COL4A4: variants seen among roughly 807,000 people sequenced by gnomAD.
COL4A4 encodes the protein collagen type IV alpha 4 chain.
COL4A4 carries 105 observed loss-of-function variants against 192.9 expected under a neutral mutation model. The ratio of observed to expected loss-of-function variants is 0.54; its 90% confidence interval spans 0.46 to 0.64. COL4A4 has a LOEUF of 0.64. Among genes scored for constraint, COL4A4 ranks in the 30% least tolerant of loss-of-function variants. The pLI is 0.00. For synonymous variants in COL4A4, 762 were observed against 769.9 expected (o/e 0.99, Z 0.17); for missense variants, 1,967 against 2,169.3 (o/e 0.91, Z 1.85).
chr2:227,010,020 T>TA (rs1205865420), intron 46 of COL4A4, among the ~76,000 whole-genome samples: 5 of 152,196 alleles, frequency 3.3e-5, no homozygotes, highest in South Asian at 2.1e-4. Flanking sequence ...ACATTTAACT[T>TA]ACTGAGGAAG....
rs542567460 is a variant in COL4A4, at chr2:227,091,516, C to T, written c.1370-1559G>A. On this transcript the variant is annotated intron_variant, in intron 20 of 47. Transcript: ENST00000396625. ...AGAGGGGAAAAAATGGAGGAGACAACGTTTTCAAAGGACACTTGATCTCTT... is the reference window on the plus strand; with the variant it reads ...AGAGGGGAAAAAATGGAGGAGACAATGTTTTCAAAGGACACTTGATCTCTT... 2.4e-4 allele frequency among the ~76,000 whole-genome samples: 36 copies of T among 151,502 alleles called. No homozygotes were observed. The South Asian group carries it at 6.1e-3, about 26-fold the overall frequency.
At chr2:226,995,562 T>C in the COL4A4 span, 1 of 1,357,416 alleles carries the variant, frequency 7.4e-7, no homozygotes, top group Non-Finnish European at 1.0e-6. Flanking sequence ...CGTGTAATTA[T>C]TGCCCATTTG....
At chr2:227,041,855 AAAGAAAGAAAG>A in intron 37 of COL4A4, among the ~76,000 whole-genome samples, 1 of 110,412 alleles carries the variant, frequency 9.1e-6, no homozygotes, top group Admixed American at 8.6e-5. Flanking sequence ...AAAGAGAAAG[AAAGAAAGAAAG>A]AAAGAAAGAA....
At chr2:227,148,241 G>C (rs2063679220) in intron 1 of COL4A4, among the ~76,000 whole-genome samples, 1 of 152,172 alleles carries the variant, frequency 6.6e-6, no homozygotes, top group Non-Finnish European at 1.5e-5. Context: ...GCCAGAAGGT[G>C]AACACAACCC....
chr2:226,995,863 C>G, the COL4A4 span: 3 of 251,976 alleles, frequency 1.2e-5, no homozygotes, highest in Non-Finnish European at 2.3e-5. Flanking sequence ...GTTTTACTTA[C>G]ACCAGTCGGG....
chr2:227,094,436 A>G, intron 19 of COL4A4, 147 bp from the exon 20 acceptor site: 1 of 727,836 alleles, frequency 1.4e-6, no homozygotes, highest in South Asian at 1.8e-5. Flanking sequence ...GCTAAGTGAA[A>G]TAAGCCAGAC....
At chr2:227,151,369 T>G (rs2063931152) in intron 1 of COL4A4, among the ~76,000 whole-genome samples, 1 of 152,174 alleles carries the variant, frequency 6.6e-6, no homozygotes, top group African/African-American at 2.4e-5. Context: ...AGTAAAATTT[T>G]GTGGGAAATA....
At chr2:227,027,795 T>A in intron 42 of COL4A4, 107 bp downstream of exon 42, 1 of 860,504 alleles carries the variant, frequency 1.2e-6, no homozygotes, top group Non-Finnish European at 2.0e-6. Context: ...AGAAAAGGGC[T>A]TAAATAATAA....
At chr2:227,109,822 G>T (rs1237092680) in intron 9 of COL4A4, among the ~76,000 whole-genome samples, 1 of 151,382 alleles carries the variant, frequency 6.6e-6, no homozygotes, top group African/African-American at 2.4e-5. Context: ...TTAGGGTCCA[G>T]TTAAGACCCA....
In COL4A4 at chr2:227,044,699, T is replaced by A. The variant is rs116380898; in HGVS notation, c.3290-1515A>T. Among the ~76,000 whole-genome samples, 861 of 152,280 alleles carry A rather than the reference T, an allele frequency of 5.7e-3. 9 individuals are homozygous for A. Among genetic ancestry groups the A allele is most frequent in the African/African-American group, 0.02 (830 of 41,552 alleles). ...GAGTTAATTTGCACTATATTTTCTC[T>A]CTGAATAGAGTGCAGAGTAGGTAGG... On this transcript the variant is annotated intron_variant, in intron 35 of 47. Transcript: ENST00000396625.
chr2:227,043,380 A>G (rs1971839527), intron 35 of COL4A4, among the ~76,000 whole-genome samples, 196 bp from the exon 36 acceptor site: 1 of 152,230 alleles, frequency 6.6e-6, no homozygotes, highest in South Asian at 2.1e-4. Flanking sequence ...ACAATTCTTC[A>G]TATGTACATA....
At chr2:226,985,169 A>C in the COL4A4 span, among the ~76,000 whole-genome samples, 1 of 152,306 alleles carries the variant, frequency 6.6e-6, no homozygotes, top group East Asian at 1.9e-4. Flanking sequence ...CAAAGCACTC[A>C]CTAACACGAG....
intron 29 of COL4A4, among the ~76,000 whole-genome samples, chr2:227,056,921 G>A (rs1975503905): frequency 6.6e-6 from 1 of 152,176 alleles, no homozygotes; most frequent in South Asian, 2.1e-4. Flanking sequence ...AATTTCTGTT[G>A]TTTATAAATT....
chr2:226,995,675 GC>G, the COL4A4 span: 5 of 627,236 alleles, frequency 8.0e-6, no homozygotes, highest in African/African-American at 9.3e-5. Context: ...CAGTCCCATG[GC>G]CCCTATGAGT....
the COL4A4 span, chr2:226,995,602 A>G: frequency 2.0e-6 from 2 of 984,406 alleles, no homozygotes; most frequent in South Asian, 1.4e-5. Context: ...AATTCATTTT[A>G]ATTCATTTTA....
chr2:227,047,519 C>A lies in COL4A4; in HGVS notation c.3245G>T (p.Gly1082Val). 6.2e-7 allele frequency: 1 copy of A among 1,613,708 alleles called. No homozygotes were observed. The highest frequency in any genetic ancestry group is 8.5e-7 in the Non-Finnish European group (1 of 1,179,834). Residue 1082 changes from glycine (G) to valine (V), a missense_variant, in exon 35 of 48, where the codon GGT becomes GTT. Physicochemically the swap from Gly to Val is moderately radical, Grantham distance 109. Coordinates refer to ENST00000396625, the MANE Select transcript of COL4A4 (RefSeq NM_000092.5). ...GNKGDPASHF[G>V]PPGPKGEPGS... Reference sequence around the variant, plus strand: ...TGGCTCACCCTTTGGACCAGGTGGACCAAAGTGACTGGCAGGGTCACCTTT... The same window carrying A: ...TGGCTCACCCTTTGGACCAGGTGGAACAAAGTGACTGGCAGGGTCACCTTT...
chr2:227,012,536 TC>T (rs1440012478), intron 44 of COL4A4, among the ~76,000 whole-genome samples: 2 of 149,108 alleles, frequency 1.3e-5, no homozygotes, highest in African/African-American at 5.0e-5. Context: ...AAGTCAGTGA[TC>T]CCATAAAGGG....
chr2:227,011,383 T>C (rs576340556), intron 45 of COL4A4, among the ~76,000 whole-genome samples: 5 of 152,186 alleles, frequency 3.3e-5, no homozygotes, highest in Non-Finnish European at 7.3e-5. Flanking sequence ...TACAAGTTGA[T>C]ATTTTGAACG....
chr2:227,052,446 C>A (rs1455044056), intron 31 of COL4A4, 34 bp from the exon 32 acceptor site: 2 of 1,194,308 alleles, frequency 1.7e-6, no homozygotes, highest in African/African-American at 3.0e-5. Context: ...ACAAAATGAA[C>A]AGGAACATCA....
Sources: allele counts gnomAD v4.1 joint callset (sites outside exome capture counted in the v4.1 genomes callset), GRCh38; gene constraint gnomAD v4.1.1; transcripts MANE v1.5; gene names NCBI Gene and HGNC (gene_info 2026-07-23, HGNC 2026-07-21).